Variants in EGF observed in about 807,000 individuals in gnomAD.
EGF encodes epidermal growth factor.
In EGF, 95 loss-of-function variants were observed where a neutral mutation model predicts 143.8. The ratio of observed to expected loss-of-function variants is 0.66; its 90% CI spans 0.56 to 0.78. The LOEUF is 0.78. EGF is among the 30% of genes least tolerant of loss of function. The pLI is 0.00. For synonymous variants in EGF, 510 were observed against 510.5 expected, an observed-to-expected ratio of 1.00 and a Z score of 0.01; for missense variants, 1,320 against 1,470.9, an observed-to-expected ratio of 0.90 and a Z score of 1.68.
intron 6 of EGF, 36 bp downstream of exon 6, chr4:109,959,473 G>A (rs1423968925): frequency 6.2e-6 from 10 of 1,611,782 alleles, no homozygotes; most frequent in Admixed American, 3.3e-5. Context: ...TAATGGAAGA[G>A]TCGCTGCTTG....
intron 10 of EGF, among the ~76,000 whole-genome samples, chr4:109,967,998 T>C (rs1443152838): frequency 6.6e-6 from 1 of 151,920 alleles, no homozygotes; most frequent in Non-Finnish European, 1.5e-5. Context: ...AGTAAGTGAG[T>C]GGTGAATTAA....
intron 11 of EGF, among the ~76,000 whole-genome samples, chr4:109,974,012 C>T (rs1386962453): frequency 6.6e-6 from 1 of 152,032 alleles, no homozygotes; most frequent in East Asian, 1.9e-4. Flanking sequence ...AATAAGAATA[C>T]AGTCATAAAA....
At chr4:110,008,319 C>CA (rs1391769539) in intron 23 of EGF, 89 bp downstream of exon 23, 1 of 1,432,928 alleles carries the variant, frequency 7.0e-7, no homozygotes, top group African/African-American at 1.4e-5. Context: ...TAACCACACA[C>CA]ACACACACAA....
intron 13 of EGF, among the ~76,000 whole-genome samples, chr4:109,979,111 A>C (rs1748930898): frequency 1.3e-5 from 2 of 152,108 alleles, no homozygotes; most frequent in South Asian, 4.1e-4. Flanking sequence ...TGGCACAGAG[A>C]GGTAGGTTTG....
In EGF at chr4:109,943,256, A is replaced by C. The variant is rs1310373204; in HGVS notation, c.330A>C (p.Arg110Ser). Residue 110 changes from arginine (R) to serine (S), a missense_variant and splice_region_variant, in exon 3 of 24, where the codon AGA becomes AGC. Transcript: ENST00000265171. ...RVFLNGSRQERVCNIEKNVSG... is the reference protein window; with the variant it reads ...RVFLNGSRQESVCNIEKNVSG... ...AATTTTAAAATTTGATTTTGCAGAG[A>C]GTATGTAATATAGAGAAAAATGTTT... 8 of 1,586,390 alleles carry C rather than the reference A, an allele frequency of 5.0e-6. No homozygotes were observed. Among genetic ancestry groups the C allele is most frequent in the Non-Finnish European group, 6.9e-6 (8 of 1,167,336 alleles).
At chr4:109,942,200 A>T (rs1302186972) in intron 2 of EGF, among the ~76,000 whole-genome samples, 1 of 152,254 alleles carries the variant, frequency 6.6e-6, no homozygotes, top group Non-Finnish European at 1.5e-5. Flanking sequence ...AACTTAAAAT[A>T]GTTGTGAATT....
chr4:109,993,130 T>G, intron 18 of EGF, 117 bp from the exon 19 acceptor site: 2 of 1,285,518 alleles, frequency 1.6e-6, no homozygotes, highest in Non-Finnish European at 2.2e-6. Flanking sequence ...TATAGGTCTC[T>G]GAGAACATAT....
In EGF at chr4:110,002,952, A is replaced by G. The variant is rs547999227; in HGVS notation, c.3174-1553A>G. The stretch of plus-strand genomic sequence containing the variant: ...TTCCTGTGTTAGTTTGCTAAGAATA[A>G]TAGCCTCCAGCTCCATCCATGTTCC... On this transcript the variant is annotated intron_variant, in intron 21 of 23. Coordinates refer to ENST00000265171, the MANE Select transcript of EGF (RefSeq NM_001963.6). Among the ~76,000 whole-genome samples the G allele has an allele frequency of 1.3e-3, 195 of 152,286 alleles. 2 individuals carry two copies. The Middle Eastern group carries it at 0.027, about 21-fold the overall frequency.
At position 109,994,818 on chromosome 4, in the gene EGF, T is replaced by G. The variant is rs11569086; in HGVS notation, c.2943T>G (p.Asp981Glu). ...NSDSECPLSH[D>E]GYCLHDGVCM... is the part of the protein sequence containing the mutation. ...ACTCTGAATGTCCCCTGTCCCACGA[T>G]GGGTACTGCCTCCATGATGGTGTGT... Residue 981 changes from aspartate to glutamate, a missense_variant, in exon 20 of 24, where the codon GAT (aspartate) becomes GAG (glutamate). Physicochemically the swap from Asp to Glu is conservative, Grantham distance 45. Coordinates refer to ENST00000265171, the MANE Select transcript of EGF (RefSeq NM_001963.6). 2.8e-5 allele frequency: 46 copies of G among 1,614,182 alleles called. No homozygotes were observed. The highest frequency in any genetic ancestry group is 3.8e-5 in the Non-Finnish European group (45 of 1,180,002).
intron 1 of EGF, among the ~76,000 whole-genome samples, chr4:109,920,734 C>G (rs1274668349): frequency 2.0e-5 from 3 of 151,648 alleles, no homozygotes; most frequent in Non-Finnish European, 4.4e-5. Flanking sequence ...ACAACAACAG[C>G]AACTACAGAG....
At chr4:109,950,948 A>G (rs1743788767) in intron 5 of EGF, among the ~76,000 whole-genome samples, 1 of 152,118 alleles carries the variant, frequency 6.6e-6, no homozygotes, top group Non-Finnish European at 1.5e-5. Context: ...TAGTCCTTAG[A>G]GGACAGAGAA....
intron 11 of EGF, among the ~76,000 whole-genome samples, chr4:109,973,068 T>G (rs1054490722): frequency 1.3e-5 from 2 of 152,198 alleles, no homozygotes; most frequent in African/African-American, 4.8e-5. Context: ...GGCAGTACAT[T>G]GGGAAAGGGA....
In EGF at chr4:109,974,745, C is replaced by G. The variant is rs1393737098; in HGVS notation, c.1767C>G (p.Ser589=). The G allele has an allele frequency of 2.5e-6, 4 of 1,613,456 alleles. No homozygotes were observed. The South Asian group carries it at 4.4e-5, about 18-fold the overall frequency. Residue 589 remains serine, a synonymous_variant, in exon 12 of 24, where the codon TCC becomes TCG. Transcript: ENST00000265171. ...IGRSDLNGKR[S]KIITKENISQ... ...GGAGTGATTTAAATGGGAAACGTTC[C>G]AAAATAATCACTAAGGAGAACATCT...
chr4:109,949,617 T>G (rs1172807365), intron 5 of EGF, among the ~76,000 whole-genome samples: 1 of 149,524 alleles, frequency 6.7e-6, no homozygotes, highest in African/African-American at 2.5e-5. Context: ...AGTTCAGACC[T>G]CTTTTTTTTT....
At chr4:109,972,599 C>A (rs1395745869) in intron 11 of EGF, among the ~76,000 whole-genome samples, 1 of 152,184 alleles carries the variant, frequency 6.6e-6, no homozygotes, top group Non-Finnish European at 1.5e-5. Context: ...TCAAAAATAT[C>A]TTCCACCCAG....
At chr4:109,987,909 A>T (rs761271033) in intron 17 of EGF, 49 bp downstream of exon 17, 7 of 1,418,858 alleles carry the variant, frequency 4.9e-6, no homozygotes, top group South Asian at 4.6e-5. Flanking sequence ...TGAACCAGAA[A>T]CATTTTTTCT....
intron 5 of EGF, among the ~76,000 whole-genome samples, chr4:109,947,217 C>T (rs957614775): frequency 2.0e-5 from 3 of 152,052 alleles, no homozygotes; most frequent in African/African-American, 4.8e-5. Context: ...TTGTTATAAT[C>T]GTTAGGCTGC....
rs549321494 is a variant in EGF, at chr4:110,012,601, G to T, written c.*1146G>T. Among the ~76,000 whole-genome samples the T allele has an allele frequency of 2.6e-5, 4 of 152,120 alleles. No homozygotes were observed. The South Asian group carries it at 8.3e-4, about 32-fold the overall frequency. On this transcript the variant is annotated 3_prime_UTR_variant, in exon 24 of 24. Coordinates refer to ENST00000265171, the MANE Select transcript of EGF (RefSeq NM_001963.6). ...ACACAATGTTGCCCAGGCTGGTCTTGAACTCCTGGCCTCAAGCAAGGTCGT... is the reference window on the plus strand; with the variant it reads ...ACACAATGTTGCCCAGGCTGGTCTTTAACTCCTGGCCTCAAGCAAGGTCGT...
In EGF at chr4:109,935,020, G is replaced by A. The variant is rs151249279; in HGVS notation, c.128-5926G>A. ...TGATGCCTCCAGCTTTGTTCTTTTTGCTTAGGATTTTCTTGGGTATAGGGG... is the reference window on the plus strand; with the variant it reads ...TGATGCCTCCAGCTTTGTTCTTTTTACTTAGGATTTTCTTGGGTATAGGGG... On this transcript the variant is annotated intron_variant, in intron 1 of 23. Coordinates refer to ENST00000265171, the MANE Select transcript of EGF (RefSeq NM_001963.6). Among the ~76,000 whole-genome samples, 563 of 152,164 alleles carry A rather than the reference G, an allele frequency of 3.7e-3. 2 individuals are homozygous for A. The highest frequency in any genetic ancestry group is 6.8e-3 in the Middle Eastern group (2 of 294).
Sources: allele counts gnomAD v4.1 joint callset (sites outside exome capture counted in the v4.1 genomes callset), GRCh38; gene constraint gnomAD v4.1.1; transcripts MANE v1.5; gene names NCBI Gene and HGNC (gene_info 2026-07-23, HGNC 2026-07-21).